The following CMC2 variants were observed in gnomAD, a reference collection of about 807,000 sequenced individuals.
The protein encoded by CMC2 is C-X9-C motif containing 2.
CMC2 carries 5 observed loss-of-function variants against 7.5 expected under a neutral mutation model. The observed-to-expected ratio is 0.66, with a 90% CI of 0.35 to 1.40. The LOEUF is 1.40. Among genes scored for constraint, CMC2 ranks in the 40% most tolerant of loss-of-function variants. The probability of loss-of-function intolerance (pLI) is 0.04; values close to 1 mark genes in which losing one functional copy is unlikely to be tolerated. For synonymous variants in CMC2, 37 were observed against 31.4 expected, an observed-to-expected ratio of 1.18 and a Z score of -0.60; for missense variants, 115 against 92.3, an observed-to-expected ratio of 1.25 and a Z score of -1.01.
chr16:80,978,654 A>C (rs1966872652), intron 3 of CMC2, among the ~76,000 whole-genome samples: 1 of 151,852 alleles, frequency 6.6e-6, no homozygotes, highest in East Asian at 1.9e-4. Context: ...GAACTCCTTG[A>C]GCCCAGGAGT....
intron 2 of CMC2, chr16:80,982,226 G>A (rs549020954): frequency 2.4e-5 from 4 of 165,348 alleles, no homozygotes; most frequent in South Asian, 3.3e-4. Flanking sequence ...AATACTGGCC[G>A]GGCACGGTAG....
At chr16:80,999,495 C>T (rs1968688432) in intron 1 of CMC2, among the ~76,000 whole-genome samples, 4 of 152,132 alleles carry the variant, frequency 2.6e-5, no homozygotes, top group Admixed American at 2.0e-4. Context: ...TTGCCCAAAG[C>T]AATCTACATA....
intron 1 of CMC2, among the ~76,000 whole-genome samples, chr16:81,005,179 A>G (rs1220655343): frequency 6.6e-6 from 1 of 152,208 alleles, no homozygotes; most frequent in African/African-American, 2.4e-5. Flanking sequence ...CTGTAATCCC[A>G]CCACTTCGGG....
Position 80,996,590 on chromosome 16 carries a change from T to C in CMC2, c.81+724A>G, listed in dbSNP as rs960733726. On this transcript the variant is annotated intron_variant, in intron 2 of 3. Transcript: ENST00000219400. ...TACTTACCACCTTACTTTTGGTCTA[T>C]AAATTTTACTCATTTAAGTGATACT... 1.1e-4 allele frequency among the ~76,000 whole-genome samples: 17 copies of C among 152,344 alleles called. No individual in the cohort carries two copies. The South Asian group carries it at 2.1e-3, about 19-fold the overall frequency.
At chr16:80,995,999 T>C (rs1255775670) in intron 2 of CMC2, among the ~76,000 whole-genome samples, 1 of 151,722 alleles carries the variant, frequency 6.6e-6, no homozygotes, top group Non-Finnish European at 1.5e-5. Flanking sequence ...AAGAAATCCA[T>C]TTGAAAGAAA....
chr16:80,970,480 A>C lies in CMC2; in HGVS notation c.*5613T>G, dbSNP rs1333925890. ...AGGGAGGAACAGACATCTTCCAAAA[A>C]CCTACTACAAATTTGCTACTTGTCA... On this transcript the variant is annotated 3_prime_UTR_variant, in exon 4 of 4. Transcript: ENST00000219400. The C allele has an allele frequency of 6.6e-6, 1 of 152,192 alleles. No homozygotes were observed. Among genetic ancestry groups the C allele is most frequent in the Non-Finnish European group, 1.5e-5 (1 of 68,036 alleles). 9.4% of individuals were successfully genotyped at this position (152,192 alleles called of 1,614,324 possible).
In CMC2 at chr16:80,980,762, G is replaced by T. The variant is rs1049890108; in HGVS notation, c.153+1044C>A. On this transcript the variant is annotated intron_variant, in intron 3 of 3. Coordinates refer to ENST00000219400, the MANE Select transcript of CMC2 (RefSeq NM_020188.5). ...TGTAAAACCTTAACCAGGCATGGTGGTACGCACCTGTCGTCCTAGCTACTC... is the reference window on the plus strand; with the variant it reads ...TGTAAAACCTTAACCAGGCATGGTGTTACGCACCTGTCGTCCTAGCTACTC... 8.7e-6 allele frequency: 6 copies of T among 687,740 alleles called. No individual in the cohort carries two copies. In the African/African-American group the frequency reaches 1.1e-4, roughly 12 times the overall value. The allele number at this position is 687,740 out of a possible 1,614,324, so 42.6% of individuals were successfully genotyped here. A position where few individuals can be genotyped will look rare whatever the true frequency, so the allele number is the denominator to read the frequency against.
rs541709835 is a variant in CMC2 at position 80,984,575 on chromosome 16, T to C, written c.82-2698A>G. On this transcript the variant is annotated intron_variant, in intron 2 of 3. Transcript: ENST00000219400. The stretch of plus-strand genomic sequence containing the variant: ...AATTAAAAAAACTTTTTGTACTTAA[T>C]TTTTATTTTACTTTTTTCTTTCCTC... Among the ~76,000 whole-genome samples the C allele has an allele frequency of 6.0e-5, 9 of 151,048 alleles. No homozygotes were observed. In the South Asian group the frequency reaches 1.9e-3, roughly 31 times the overall value.
chr16:80,991,817 C>T, intron 2 of CMC2: 1 of 391,346 alleles, frequency 2.6e-6, no homozygotes, highest in Non-Finnish European at 5.1e-6. Flanking sequence ...AAGACAAATT[C>T]AAACAGAGGA....
chr16:80,994,853 T>G (rs1386214050), intron 2 of CMC2, among the ~76,000 whole-genome samples: 1 of 152,176 alleles, frequency 6.6e-6, no homozygotes, highest in East Asian at 1.9e-4. Context: ...ACACAAAGAC[T>G]TGCACATGAT....
At chr16:80,991,093 T>G (rs1016143290) in intron 2 of CMC2, among the ~76,000 whole-genome samples, 1 of 151,792 alleles carries the variant, frequency 6.6e-6, no homozygotes, top group Admixed American at 6.6e-5. Flanking sequence ...CTGGAACAAT[T>G]TGAGCAACAA....
rs1380903470 is a variant in CMC2, at chr16:80,970,466, G to A, written c.*5627C>T. The A allele has an allele frequency of 6.6e-6, 1 of 152,216 alleles. No homozygotes were observed. The highest frequency in any genetic ancestry group is 1.5e-5 in the Non-Finnish European group (1 of 68,046). 9.4% of individuals were successfully genotyped at this position (152,216 alleles called of 1,614,324 possible). On this transcript the variant is annotated 3_prime_UTR_variant, in exon 4 of 4. Transcript: ENST00000219400. ...AAAGGAACTTCCTTAGGGAGGAACA[G>A]ACATCTTCCAAAAACCTACTACAAA...
chr16:80,995,422 G>A (rs539761105), intron 2 of CMC2, among the ~76,000 whole-genome samples: 3 of 151,968 alleles, frequency 2.0e-5, no homozygotes, highest in East Asian at 2.0e-4. Flanking sequence ...TTGGGAGGCC[G>A]AGGCGGGAGG....
At position 80,974,588 on chromosome 16, in the gene CMC2, T is replaced by C. The variant is rs1221380595; in HGVS notation, c.*1505A>G. 6.6e-6 allele frequency: 1 copy of C among 152,236 alleles called. No individual in the cohort carries two copies. The highest frequency in any genetic ancestry group is 2.4e-5 in the African/African-American group (1 of 41,458). The allele number at this position is 152,236 out of a possible 1,614,324, so 9.4% of individuals were successfully genotyped here. ...ATTTTCACTCATTTGTCAAAGGTCA[T>C]CTTTGCTAAATAGCTTTCTTGGAAT... On this transcript the variant is annotated 3_prime_UTR_variant, in exon 4 of 4. Transcript: ENST00000219400.
intron 2 of CMC2, among the ~76,000 whole-genome samples, chr16:80,986,275 G>C (rs1003665185): frequency 1.3e-5 from 2 of 152,102 alleles, no homozygotes; most frequent in South Asian, 4.1e-4. Context: ...GCTTGAACCG[G>C]AGAGACGGAA....
At position 80,972,378 on chromosome 16, in the gene CMC2, GT is replaced by G. The variant is rs949459359; in HGVS notation, c.*3714del. On this transcript the variant is annotated 3_prime_UTR_variant, in exon 4 of 4. Transcript: ENST00000219400. ...GGATTTTTTGTTTTTCGTTTTTTTT[GT>G]TTTTTTCTAAGAACAGAATGATTTG... 2 of 151,668 alleles carry G rather than the reference GT, an allele frequency of 1.3e-5. No homozygotes were observed. Among genetic ancestry groups the G allele is most frequent in the Non-Finnish European group, 2.9e-5 (2 of 67,898 alleles). 9.4% of individuals were successfully genotyped at this position (151,668 alleles called of 1,614,324 possible).
chr16:81,001,089 C>A (rs556278400), intron 1 of CMC2, among the ~76,000 whole-genome samples: 2 of 152,298 alleles, frequency 1.3e-5, no homozygotes, highest in South Asian at 4.1e-4. Context: ...TGAATTAACG[C>A]AGCAACAGAA....
chr16:80,996,111 G>C (rs1182063179), intron 2 of CMC2, among the ~76,000 whole-genome samples: 1 of 151,932 alleles, frequency 6.6e-6, no homozygotes, highest in Non-Finnish European at 1.5e-5. Context: ...TTAAAAGCAA[G>C]GGTTGAAAAA....
intron 2 of CMC2, among the ~76,000 whole-genome samples, chr16:80,995,484 C>T (rs1192397360): frequency 6.6e-6 from 1 of 151,932 alleles, no homozygotes; most frequent in Non-Finnish European, 1.5e-5. Context: ...GGTGAAACTC[C>T]GTCTCTACTA....
Sources: allele counts gnomAD v4.1 joint callset (sites outside exome capture counted in the v4.1 genomes callset), GRCh38; gene constraint gnomAD v4.1.1; transcripts MANE v1.5; gene names NCBI Gene and HGNC (gene_info 2026-07-23, HGNC 2026-07-21).